The following SLC24A3 variants were observed in gnomAD, a reference collection of about 807,000 sequenced individuals.
SLC24A3 encodes the protein sodium/potassium/calcium exchanger 3.
A neutral mutation model predicts 75.8 loss-of-function variants in SLC24A3; 28 were observed. The observed-to-expected ratio is 0.37, with a 90% CI of 0.27 to 0.51. The LOEUF (loss-of-function observed/expected upper bound fraction) is 0.51, where lower values mean the gene tolerates loss of function less well. SLC24A3 is among the 20% of genes least tolerant of loss of function. SLC24A3 has a pLI of 0.94. For synonymous variants in SLC24A3, 372 were observed against 334.1 expected, an observed-to-expected ratio of 1.11 and a Z score of -1.24; for missense variants, 663 against 847.8, an observed-to-expected ratio of 0.78 and a Z score of 2.71.
intron 9 of SLC24A3, among the ~76,000 whole-genome samples, chr20:19,677,528 A>G (rs2032538963): frequency 6.6e-6 from 1 of 151,926 alleles, no homozygotes; most frequent in East Asian, 1.9e-4. Context: ...CCCAGCAACC[A>G]TCAACCCACA....
chr20:19,409,493 G>A (rs1986707820), intron 2 of SLC24A3, among the ~76,000 whole-genome samples: 1 of 152,300 alleles, frequency 6.6e-6, no homozygotes, highest in South Asian at 2.1e-4. Context: ...AAGGTTCTGA[G>A]CACCTTTGTG....
chr20:19,265,288 G>A (rs1230258879), intron 1 of SLC24A3, among the ~76,000 whole-genome samples: 1 of 152,192 alleles, frequency 6.6e-6, no homozygotes, highest in Non-Finnish European at 1.5e-5. Flanking sequence ...ATGTCCCATA[G>A]CCATCTTAAT....
intron 2 of SLC24A3, among the ~76,000 whole-genome samples, chr20:19,389,386 T>A (rs1365706313): frequency 1.3e-5 from 2 of 152,192 alleles, no homozygotes; most frequent in East Asian, 3.8e-4. Flanking sequence ...CTTTAGTATT[T>A]CTTATAATAC....
chr20:19,645,276 G>T (rs149000519), intron 6 of SLC24A3, among the ~76,000 whole-genome samples: 1 of 152,162 alleles, frequency 6.6e-6, no homozygotes, highest in African/African-American at 2.4e-5. Context: ...TGTCAGGGGC[G>T]CATAGCACAG....
intron 4 of SLC24A3, among the ~76,000 whole-genome samples, chr20:19,582,051 G>C (rs1342376399): frequency 6.6e-6 from 1 of 152,180 alleles, no homozygotes; most frequent in African/African-American, 2.4e-5. Flanking sequence ...AACCTTAATT[G>C]CTGGGGAAAC....
In SLC24A3 at chr20:19,665,873, G is replaced by A. The variant is rs1252269016; in HGVS notation, c.697G>A (p.Asp233Asn). Residue 233 changes from aspartate to asparagine, a missense_variant, in exon 8 of 17, where the codon GAT becomes AAT. Coordinates refer to ENST00000328041, the MANE Select transcript of SLC24A3 (RefSeq NM_020689.4). The stretch of plus-strand genomic sequence containing the variant: ...TTTTATTTTTTCACAGTTTATTTAT[G>A]ATGAAAAAGTTTCCTGGTAAGTACC... Reference protein sequence around the residue: ...SVIALIVFIYDEKVSWWESLV... With the variant: ...SVIALIVFIYNEKVSWWESLV... 1 of 1,605,312 alleles carries A rather than the reference G, an allele frequency of 6.2e-7. No individual in the cohort carries two copies. Among genetic ancestry groups the A allele is most frequent in the Non-Finnish European group, 8.5e-7 (1 of 1,175,410 alleles).
chr20:19,351,882 T>C, intron 2 of SLC24A3, among the ~76,000 whole-genome samples: 1 of 152,184 alleles, frequency 6.6e-6, no homozygotes, highest in East Asian at 1.9e-4. Context: ...AACAAAAAGT[T>C]AGCCTTTGTG....
intron 2 of SLC24A3, among the ~76,000 whole-genome samples, chr20:19,322,363 T>TTCCC (rs1406765527): frequency 2.5e-5 from 1 of 39,336 alleles, no homozygotes; most frequent in East Asian, 6.6e-4. Context: ...CCTTCCTTCC[T>TTCCC]TCCCTTCCTT....
At chr20:19,331,133 G>A (rs1451449899) in intron 2 of SLC24A3, among the ~76,000 whole-genome samples, 21 of 152,216 alleles carry the variant, frequency 1.4e-4, no homozygotes, top group Admixed American at 1.4e-3. Flanking sequence ...AAGTGCTTTA[G>A]TGCATATTAT....
chr20:19,214,881 C>T (rs953464608), intron 1 of SLC24A3, among the ~76,000 whole-genome samples: 1 of 152,170 alleles, frequency 6.6e-6, no homozygotes, highest in East Asian at 1.9e-4. Flanking sequence ...TCCTCTTCCT[C>T]CCTTCTCATC....
At chr20:19,279,725 G>T (rs1307629022) in intron 1 of SLC24A3, among the ~76,000 whole-genome samples, 1 of 152,062 alleles carries the variant, frequency 6.6e-6, no homozygotes, top group Non-Finnish European at 1.5e-5. Context: ...CTTCCCTGAG[G>T]CTTGCTGTGG....
intron 3 of SLC24A3, among the ~76,000 whole-genome samples, chr20:19,527,548 A>T (rs1215564556): frequency 6.6e-6 from 1 of 152,164 alleles, no homozygotes; most frequent in African/African-American, 2.4e-5. Context: ...TAAGTTAAAT[A>T]CTCAGGAAAC....
At chr20:19,255,413 A>G (rs1220847680) in intron 1 of SLC24A3, among the ~76,000 whole-genome samples, 1 of 152,142 alleles carries the variant, frequency 6.6e-6, no homozygotes, top group African/African-American at 2.4e-5. Context: ...GATGATTAAG[A>G]TTTGGAGTGT....
chr20:19,673,934 G>A (rs189729248), intron 9 of SLC24A3, among the ~76,000 whole-genome samples: 2 of 152,308 alleles, frequency 1.3e-5, no homozygotes, highest in East Asian at 1.9e-4. Context: ...TGGCAGCTCT[G>A]GGAGGTTTCT....
At chr20:19,634,118 G>A (rs911763737) in intron 6 of SLC24A3, among the ~76,000 whole-genome samples, 18 of 152,016 alleles carry the variant, frequency 1.2e-4, no homozygotes, top group Admixed American at 7.9e-4. Flanking sequence ...CTGAGACATC[G>A]CCAGTCAAAG....
intron 2 of SLC24A3, among the ~76,000 whole-genome samples, chr20:19,470,197 T>C (rs1334495313): frequency 6.6e-6 from 1 of 152,184 alleles, no homozygotes; most frequent in Non-Finnish European, 1.5e-5. Flanking sequence ...TTCGTGCAAA[T>C]ATCCTTTCTT....
intron 2 of SLC24A3, among the ~76,000 whole-genome samples, chr20:19,362,919 A>G (rs1343677386): frequency 1.3e-5 from 2 of 152,250 alleles, no homozygotes; most frequent in African/African-American, 4.8e-5. Flanking sequence ...AACAATGAAA[A>G]TGTAGCTGAA....
intron 3 of SLC24A3, among the ~76,000 whole-genome samples, chr20:19,522,666 C>T (rs915056839): frequency 3.3e-5 from 5 of 152,232 alleles, no homozygotes; most frequent in African/African-American, 1.2e-4. Context: ...GGGCCAGAGC[C>T]CAATCCATTC....
intron 2 of SLC24A3, among the ~76,000 whole-genome samples, chr20:19,387,416 A>T (rs1222911393): frequency 2.0e-5 from 3 of 151,870 alleles, no homozygotes; most frequent in Non-Finnish European, 4.4e-5. Context: ...GTGTAAAGTT[A>T]GTCTATTTGA....
Sources: gnomAD v4.1 joint callset for allele counts (sites outside exome capture counted in the v4.1 genomes callset) on GRCh38, gnomAD v4.1.1 for gene constraint, MANE v1.5 for transcripts, NCBI Gene and HGNC (gene_info 2026-07-23, HGNC 2026-07-21) for gene names.